GFRAL: variants seen among roughly 807,000 people sequenced by gnomAD.
GFRAL encodes GDNF family receptor alpha-like.
A neutral mutation model predicts 45.4 loss-of-function variants in GFRAL; 36 were observed. The ratio of observed to expected loss-of-function variants is 0.79; its 90% CI spans 0.61 to 1.05. The LOEUF is 1.05. Among genes scored for constraint, GFRAL ranks in the 50% least tolerant of loss-of-function variants. The pLI is 0.00. For synonymous variants in GFRAL, 166 were observed against 154.1 expected (o/e 1.08, Z -0.57); for missense variants, 507 against 467.5 (o/e 1.08, Z -0.78).
chr6:55,334,956 G>A (rs1481004030), intron 3 of GFRAL, among the ~76,000 whole-genome samples: 1 of 152,086 alleles, frequency 6.6e-6, no homozygotes, highest in Non-Finnish European at 1.5e-5. Flanking sequence ...ATTATTTCCA[G>A]GTTTTCAGGG....
intron 6 of GFRAL, among the ~76,000 whole-genome samples, chr6:55,365,227 T>C (rs1458450425): frequency 6.9e-6 from 1 of 144,794 alleles, no homozygotes; most frequent in Non-Finnish European, 1.5e-5. Flanking sequence ...CACTCTTGAT[T>C]TGGCTCTCTG....
At chr6:55,365,793 C>G (rs903543213) in intron 6 of GFRAL, among the ~76,000 whole-genome samples, 4 of 150,352 alleles carry the variant, frequency 2.7e-5, no homozygotes, top group African/African-American at 9.8e-5. Flanking sequence ...ATGAAGCCCA[C>G]TTGATCATGG....
At chr6:55,388,825 C>T (rs146403061) in intron 6 of GFRAL, among the ~76,000 whole-genome samples, 16 of 152,160 alleles carry the variant, frequency 1.1e-4, no homozygotes, top group Non-Finnish European at 2.1e-4. Flanking sequence ...TAGCAGTTAC[C>T]GTCATTATGT....
rs543040839 is a variant in GFRAL at position 55,328,244 on chromosome 6, A to T, written c.22+668A>T. ...TAGAATCCATGAATCTATTTGCTAG[A>T]TGTGTGACTGGAGAATATTTTATAT... On this transcript the variant is annotated intron_variant, in intron 1 of 8. Transcript: ENST00000340465. 1.0e-3 allele frequency among the ~76,000 whole-genome samples: 156 copies of T among 152,022 alleles called. 1 individual carries two copies. Among genetic ancestry groups the T allele is most frequent in the African/African-American group, 3.6e-3 (149 of 41,562 alleles).
intron 3 of GFRAL, among the ~76,000 whole-genome samples, chr6:55,347,674 C>T (rs561638731): frequency 1.6e-4 from 24 of 152,066 alleles, no homozygotes; most frequent in Non-Finnish European, 2.5e-4. Context: ...CTAATGATAT[C>T]GTGGTATGAT....
chr6:55,370,490 T>G (rs1398628386), intron 6 of GFRAL, among the ~76,000 whole-genome samples: 1 of 152,206 alleles, frequency 6.6e-6, no homozygotes, highest in Non-Finnish European at 1.5e-5. Flanking sequence ...TGCAAATACA[T>G]CTATTTATTC....
At chr6:55,368,097 G>C (rs1445269170) in intron 6 of GFRAL, among the ~76,000 whole-genome samples, 1 of 148,984 alleles carries the variant, frequency 6.7e-6, no homozygotes, top group African/African-American at 2.5e-5. Context: ...TGTAGATTTG[G>C]TCTTTTCACA....
chr6:55,350,390 C>G (rs1373080577), intron 4 of GFRAL, among the ~76,000 whole-genome samples: 1 of 152,014 alleles, frequency 6.6e-6, no homozygotes, highest in African/African-American at 2.4e-5. Context: ...AAACCAAATA[C>G]TAGGTTGGGC....
At chr6:55,366,527 G>T (rs972920647) in intron 6 of GFRAL, among the ~76,000 whole-genome samples, 1 of 143,998 alleles carries the variant, frequency 6.9e-6, no homozygotes, top group Non-Finnish European at 1.5e-5. Context: ...TTTTAATTGC[G>T]ATGTTAGGGT....
chr6:55,357,856 C>T (rs985869105), intron 5 of GFRAL, among the ~76,000 whole-genome samples: 24 of 151,544 alleles, frequency 1.6e-4, no homozygotes, highest in African/African-American at 5.8e-4. Context: ...GAATAAATAG[C>T]ATGTAGGTAC....
intron 6 of GFRAL, among the ~76,000 whole-genome samples, chr6:55,383,530 C>T (rs1355451479): frequency 6.6e-6 from 1 of 151,996 alleles, no homozygotes; most frequent in Non-Finnish European, 1.5e-5. Flanking sequence ...TATTCAGTAA[C>T]ATGCTGTACG....
chr6:55,343,016 G>T (rs1320237098), intron 3 of GFRAL, among the ~76,000 whole-genome samples: 2 of 152,114 alleles, frequency 1.3e-5, no homozygotes, highest in African/African-American at 2.4e-5. Context: ...GGAGCACCCA[G>T]ATTCATAAAG....
At chr6:55,374,467 A>G (rs898725420) in intron 6 of GFRAL, among the ~76,000 whole-genome samples, 6 of 151,912 alleles carry the variant, frequency 3.9e-5, no homozygotes. Flanking sequence ...CCACTTTTTA[A>G]TAGTGTTGCT....
At chr6:55,396,310 A>C (rs2127367016) in intron 6 of GFRAL, among the ~76,000 whole-genome samples, 1 of 152,340 alleles carries the variant, frequency 6.6e-6, no homozygotes, top group East Asian at 1.9e-4. Flanking sequence ...TTAGTAAATG[A>C]GATGATTCTT....
rs1243567183 is a variant in GFRAL, at chr6:55,399,246, C to G, written c.1019C>G (p.Thr340Ser). ...LYTRKHANKITLTGFHSPFNG... is the reference protein window; with the variant it reads ...LYTRKHANKISLTGFHSPFNG... ...ACAAGAAAACATGCAAACAAAATCA[C>G]TTTAACTGGATTTCATTCCCCCTTC... Residue 340 changes from threonine (T) to serine (S), a missense_variant, in exon 7 of 9, where the codon ACT (threonine) becomes AGT (serine). Coordinates refer to ENST00000340465, the MANE Select transcript of GFRAL (RefSeq NM_207410.2). 1 of 1,605,026 alleles carries G rather than the reference C, an allele frequency of 6.2e-7. No homozygotes were observed. The highest frequency in any genetic ancestry group is 1.1e-5 in the South Asian group (1 of 90,288).
intron 6 of GFRAL, among the ~76,000 whole-genome samples, chr6:55,364,412 T>G (rs1768328905): frequency 6.8e-6 from 1 of 147,786 alleles, no homozygotes; most frequent in Admixed American, 6.7e-5. Flanking sequence ...GATGGTAGTT[T>G]CTTTTGCTGT....
chr6:55,372,878 A>G (rs1768470658), intron 6 of GFRAL, among the ~76,000 whole-genome samples: 1 of 152,126 alleles, frequency 6.6e-6, no homozygotes, highest in African/African-American at 2.4e-5. Flanking sequence ...TTCCTTCTCC[A>G]TTGGAGACAT....
At position 55,369,387 on chromosome 6, in the gene GFRAL, A is replaced by G. The variant is rs1162946007; in HGVS notation, c.952+10249A>G. On this transcript the variant is annotated intron_variant, in intron 6 of 8. Coordinates refer to ENST00000340465, the MANE Select transcript of GFRAL (RefSeq NM_207410.2). ...AACCCGGTACCTCGGATGGAAATGC[A>G]GAAATCACCCATCTTCTGCGTCGCT... Among the ~76,000 whole-genome samples, 11 of 152,348 alleles carry G rather than the reference A, an allele frequency of 7.2e-5. No homozygotes were observed. In the East Asian group the frequency reaches 1.9e-3, roughly 27 times the overall value.
chr6:55,336,573 T>C (rs1303698130), intron 3 of GFRAL, among the ~76,000 whole-genome samples: 2 of 152,198 alleles, frequency 1.3e-5, no homozygotes, highest in South Asian at 2.1e-4. Context: ...ACAATTAATT[T>C]TTCTATATGG....
Sources: allele counts gnomAD v4.1 joint callset (sites outside exome capture counted in the v4.1 genomes callset), GRCh38; gene constraint gnomAD v4.1.1; transcripts MANE v1.5; gene names NCBI Gene and HGNC (gene_info 2026-07-23, HGNC 2026-07-21).